Variants in LIPC observed in about 807,000 individuals in gnomAD.
The protein encoded by LIPC is hepatic triacylglycerol lipase.
A neutral mutation model predicts 50.7 loss-of-function variants in LIPC; 44 were observed. The ratio of observed to expected loss-of-function variants is 0.87; its 90% confidence interval spans 0.68 to 1.11. The LOEUF is 1.11. Among genes scored for constraint, LIPC ranks in the 50% most tolerant of loss-of-function variants. LIPC has a pLI of 0.00. For missense variants in LIPC, 697 were observed against 648.2 expected (o/e 1.08, Z -0.82); for synonymous variants, 271 against 256.4 (o/e 1.06, Z -0.54).
At chr15:58,433,557 G>A (rs1377391136) in intron 1 of LIPC, among the ~76,000 whole-genome samples, 2 of 152,210 alleles carry the variant, frequency 1.3e-5, no homozygotes, top group East Asian at 1.9e-4. Context: ...TCTCACTGCT[G>A]TAGCATTCCA....
chr15:58,482,576 G>A (rs1365048205), intron 1 of LIPC, among the ~76,000 whole-genome samples: 3 of 152,112 alleles, frequency 2.0e-5, no homozygotes, highest in Non-Finnish European at 4.4e-5. Context: ...AAGCATATGG[G>A]TCACTTAGCC....
chr15:58,447,651 T>C (rs1893746878), intron 1 of LIPC, among the ~76,000 whole-genome samples: 1 of 152,204 alleles, frequency 6.6e-6, no homozygotes, highest in Non-Finnish European at 1.5e-5. Flanking sequence ...CCAGAGCTTC[T>C]CAAAATTTAA....
chr15:58,439,677 C>T (rs1041255402), intron 1 of LIPC, among the ~76,000 whole-genome samples: 1 of 152,182 alleles, frequency 6.6e-6, no homozygotes, highest in Non-Finnish European at 1.5e-5. Flanking sequence ...CTCTTGACTT[C>T]GTGATCTGCC....
intron 1 of LIPC, among the ~76,000 whole-genome samples, chr15:58,445,274 GAACT>G (rs1893654429): frequency 6.6e-6 from 1 of 152,224 alleles, no homozygotes; most frequent in Admixed American, 6.5e-5. Context: ...GCGCCTTATG[GAACT>G]ATCAACTCTG....
intron 1 of LIPC, among the ~76,000 whole-genome samples, chr15:58,498,149 T>G (rs948827351): frequency 1.3e-5 from 2 of 152,152 alleles, no homozygotes; most frequent in Admixed American, 6.5e-5. Context: ...AGATTGGTGT[T>G]TCTCTCAGGC....
chr15:58,451,666 C>G (rs1595859624), intron 1 of LIPC, among the ~76,000 whole-genome samples: 1 of 152,308 alleles, frequency 6.6e-6, no homozygotes, highest in Non-Finnish European at 1.5e-5. Context: ...TTTACCCAAA[C>G]AGGACTGATC....
chr15:58,500,293 G>A (rs1175457392), intron 1 of LIPC, among the ~76,000 whole-genome samples: 1 of 151,876 alleles, frequency 6.6e-6, no homozygotes, highest in Non-Finnish European at 1.5e-5. Context: ...CTGCTGCATA[G>A]GCTGTGAGAT....
chr15:58,535,808 T>G (rs1487589222), intron 1 of LIPC, among the ~76,000 whole-genome samples: 1 of 152,224 alleles, frequency 6.6e-6, no homozygotes, highest in Non-Finnish European at 1.5e-5. Flanking sequence ...CCCCATTTTA[T>G]TTTCATATGA....
intron 1 of LIPC, among the ~76,000 whole-genome samples, chr15:58,504,064 C>T (rs1470114476): frequency 2.6e-5 from 4 of 152,180 alleles, no homozygotes; most frequent in Non-Finnish European, 5.9e-5. Flanking sequence ...CTCAGAAAGC[C>T]CTGTATACCA....
At chr15:58,534,051 G>A (rs1161234385) in intron 1 of LIPC, among the ~76,000 whole-genome samples, 3 of 152,180 alleles carry the variant, frequency 2.0e-5, no homozygotes, top group African/African-American at 7.2e-5. Context: ...AGGCAAGAGA[G>A]GGCATAAGCT....
intron 1 of LIPC, among the ~76,000 whole-genome samples, chr15:58,489,348 T>C (rs1190158385): frequency 6.6e-6 from 1 of 151,840 alleles, no homozygotes; most frequent in Non-Finnish European, 1.5e-5. Flanking sequence ...CACGCTATTG[T>C]AGTAGAGTTT....
At chr15:58,451,747 G>A (rs1893906803) in intron 1 of LIPC, among the ~76,000 whole-genome samples, 1 of 152,206 alleles carries the variant, frequency 6.6e-6, no homozygotes. Context: ...TGGCTGTGAG[G>A]CACGAGGATG....
intron 1 of LIPC, among the ~76,000 whole-genome samples, chr15:58,495,330 C>T (rs1052597533): frequency 3.9e-5 from 6 of 152,240 alleles, no homozygotes; most frequent in Non-Finnish European, 7.3e-5. Context: ...TCCTGCCCTG[C>T]AGCTCCCTGC....
At chr15:58,445,567 C>A (rs1893667188) in intron 1 of LIPC, among the ~76,000 whole-genome samples, 1 of 152,172 alleles carries the variant, frequency 6.6e-6, no homozygotes, top group Non-Finnish European at 1.5e-5. Flanking sequence ...CATGTCTGGG[C>A]TACAAGATCC....
intron 1 of LIPC, among the ~76,000 whole-genome samples, chr15:58,463,571 C>A (rs898969101): frequency 1.3e-5 from 2 of 152,218 alleles, no homozygotes; most frequent in African/African-American, 4.8e-5. Context: ...GCTCCTGCAG[C>A]CAGACTGGGT....
chr15:58,458,142 T>C (rs1175934314), intron 1 of LIPC, among the ~76,000 whole-genome samples: 2 of 149,002 alleles, frequency 1.3e-5, no homozygotes, highest in Non-Finnish European at 1.5e-5. Flanking sequence ...TCCGTTTTTT[T>C]ACTCCTACAG....
rs1566944429 is a variant in LIPC at position 58,541,806 on chromosome 15, T to C, written c.295T>C (p.Trp99Arg). ...GWSVDGVLEN[W>R]IWQMVAALKS... Reference sequence around the variant, plus strand: ...TCAGGTGGACGGCGTGCTAGAAAACTGGATCTGGCAGATGGTGGCCGCGCT... The same window carrying C: ...TCAGGTGGACGGCGTGCTAGAAAACCGGATCTGGCAGATGGTGGCCGCGCT... The change falls in exon 3 of 9, where the codon TGG (tryptophan) becomes CGG (arginine). Residue 99 changes from tryptophan (W) to arginine (R), a missense_variant. Coordinates refer to ENST00000299022, the MANE Select transcript of LIPC (RefSeq NM_000236.3). The C allele has an allele frequency of 6.2e-7, 1 of 1,613,722 alleles. No homozygotes were observed. Among genetic ancestry groups the C allele is most frequent in the South Asian group, 1.1e-5 (1 of 91,004 alleles).
intron 1 of LIPC, among the ~76,000 whole-genome samples, chr15:58,531,194 G>A (rs1892949326): frequency 2.0e-5 from 3 of 152,196 alleles, no homozygotes; most frequent in Admixed American, 1.3e-4. Context: ...ATTCCGTTGT[G>A]TTTTAAATTT....
chr15:58,505,788 G>C (rs1892127367), intron 1 of LIPC, among the ~76,000 whole-genome samples: 1 of 152,136 alleles, frequency 6.6e-6, no homozygotes, highest in Non-Finnish European at 1.5e-5. Context: ...TCCCACCCGA[G>C]CCAACATTCC....
Sources: gnomAD v4.1 joint callset for allele counts (sites outside exome capture counted in the v4.1 genomes callset) on GRCh38, gnomAD v4.1.1 for gene constraint, MANE v1.5 for transcripts, NCBI Gene and HGNC (gene_info 2026-07-23, HGNC 2026-07-21) for gene names.